The following SEMA5A variants were observed in gnomAD, a reference collection of about 807,000 sequenced individuals.
SEMA5A encodes semaphorin 5A, also known as semaphorin-5A.
A neutral mutation model predicts 135.5 loss-of-function variants in SEMA5A; 55 were observed. That is an observed-to-expected ratio of 0.41 (90% CI 0.33 to 0.51). The LOEUF (loss-of-function observed/expected upper bound fraction) is 0.51, where lower values mean the gene tolerates loss of function less well. Ranked by LOEUF, SEMA5A falls within the 20% of genes least tolerant of loss-of-function variation. SEMA5A has a pLI of 0.37. For synonymous variants in SEMA5A, 580 were observed against 546.5 expected (o/e 1.06, Z -0.85); for missense variants, 1,290 against 1,419.9 (o/e 0.91, Z 1.47).
rs934020561 is a variant in SEMA5A, at chr5:9,242,772, A to AT, written c.271-4883dup. Among the ~76,000 whole-genome samples, 507 of 151,780 alleles carry AT rather than the reference A, an allele frequency of 3.3e-3. 3 individuals carry two copies. Among genetic ancestry groups the AT allele is most frequent in the African/African-American group, 0.012 (478 of 41,392 alleles). On this transcript the variant is annotated intron_variant, in intron 5 of 22. Coordinates refer to ENST00000382496, the MANE Select transcript of SEMA5A (RefSeq NM_003966.3). ...ACCCCAATAACATATGGGAAAATAA[A>AT]TTTTTTTTTAAATGATCAATTTCAA...
intron 3 of SEMA5A, among the ~76,000 whole-genome samples, chr5:9,360,242 CA>C (rs1754633162): frequency 6.6e-6 from 1 of 152,094 alleles, no homozygotes; most frequent in South Asian, 2.1e-4. Flanking sequence ...ATAATGTGTA[CA>C]GTGTTCTCCA....
At chr5:9,371,018 A>T (rs1755114094) in intron 3 of SEMA5A, among the ~76,000 whole-genome samples, 1 of 152,222 alleles carries the variant, frequency 6.6e-6, no homozygotes, top group Admixed American at 6.5e-5. Flanking sequence ...CCAAATGGAA[A>T]CACTATTTTA....
intron 3 of SEMA5A, among the ~76,000 whole-genome samples, chr5:9,358,322 G>A (rs2126354626): frequency 6.6e-6 from 1 of 152,166 alleles, no homozygotes; most frequent in East Asian, 1.9e-4. Flanking sequence ...TCTAACTGTA[G>A]TGAGTGCTTT....
intron 3 of SEMA5A, among the ~76,000 whole-genome samples, chr5:9,339,110 T>A (rs1467462132): frequency 3.3e-5 from 5 of 152,164 alleles, no homozygotes; most frequent in Non-Finnish European, 7.4e-5. Flanking sequence ...TTAAAATACG[T>A]AGAACAAGGT....
At chr5:9,444,900 GCA>G (rs1228546392) in intron 1 of SEMA5A, among the ~76,000 whole-genome samples, 4 of 152,162 alleles carry the variant, frequency 2.6e-5, no homozygotes, top group African/African-American at 9.7e-5. Context: ...GCCAAGCTGT[GCA>G]CAGACAAACA....
chr5:9,151,004 G>A (rs1742606338), intron 12 of SEMA5A, among the ~76,000 whole-genome samples: 1 of 152,150 alleles, frequency 6.6e-6, no homozygotes, highest in South Asian at 2.1e-4. Flanking sequence ...GGCAGTCTCG[G>A]CTCTGACCCA....
At chr5:9,326,900 A>G (rs1341037512) in intron 4 of SEMA5A, among the ~76,000 whole-genome samples, 2 of 152,214 alleles carry the variant, frequency 1.3e-5, no homozygotes, top group African/African-American at 4.8e-5. Context: ...TTTAAATATA[A>G]TGATTTAATT....
At chr5:9,128,133 T>C (rs935934843) in intron 13 of SEMA5A, among the ~76,000 whole-genome samples, 2 of 152,222 alleles carry the variant, frequency 1.3e-5, no homozygotes, top group Non-Finnish European at 2.9e-5. Context: ...ATGGGAATTA[T>C]TCCTCACCAT....
chr5:9,153,393 C>T (rs1174812459), intron 12 of SEMA5A, among the ~76,000 whole-genome samples: 1 of 152,136 alleles, frequency 6.6e-6, no homozygotes, highest in African/African-American at 2.4e-5. Flanking sequence ...TTTTTCATTT[C>T]CTAAGTACCT....
intron 4 of SEMA5A, among the ~76,000 whole-genome samples, chr5:9,329,254 C>T (rs1753010287): frequency 6.6e-6 from 1 of 152,122 alleles, no homozygotes; most frequent in Non-Finnish European, 1.5e-5. Context: ...CCAAGATCAT[C>T]ATACTTTTTG....
intron 11 of SEMA5A, among the ~76,000 whole-genome samples, chr5:9,178,136 G>A (rs531860508): frequency 2.0e-5 from 3 of 152,060 alleles, no homozygotes; most frequent in African/African-American, 4.8e-5. Context: ...AAAAACTACC[G>A]AGAATCTCAT....
intron 2 of SEMA5A, among the ~76,000 whole-genome samples, chr5:9,434,516 G>C (rs945193261): frequency 3.9e-5 from 6 of 152,068 alleles, no homozygotes; most frequent in African/African-American, 1.4e-4. Context: ...GTACTCCAGA[G>C]ATAATCTCTG....
chr5:9,367,926 A>T (rs533474428), intron 3 of SEMA5A, among the ~76,000 whole-genome samples: 1 of 152,336 alleles, frequency 6.6e-6, no homozygotes, highest in East Asian at 1.9e-4. Context: ...TGATATGCCC[A>T]TACCCCCTTC....
chr5:9,508,218 T>C (rs1736010249), intron 1 of SEMA5A, among the ~76,000 whole-genome samples: 1 of 152,088 alleles, frequency 6.6e-6, no homozygotes, highest in Non-Finnish European at 1.5e-5. Context: ...TTTTGGTCAC[T>C]AGAGCACCTG....
chr5:9,099,393 A>G (rs1739500808), intron 16 of SEMA5A, among the ~76,000 whole-genome samples: 1 of 152,252 alleles, frequency 6.6e-6, no homozygotes, highest in Non-Finnish European at 1.5e-5. Flanking sequence ...CAAACTTTGC[A>G]TTCCAGTGTT....
chr5:9,296,709 CCGG>C (rs754933000), intron 5 of SEMA5A, among the ~76,000 whole-genome samples: 1 of 151,920 alleles, frequency 6.6e-6, no homozygotes, highest in Middle Eastern at 3.4e-3. Context: ...AGAAAGCAGG[CCGG>C]TCAAAAAGTA....
chr5:9,372,135 T>A (rs1221312804), intron 3 of SEMA5A, among the ~76,000 whole-genome samples: 1 of 152,238 alleles, frequency 6.6e-6, no homozygotes. Context: ...AAGATTTATA[T>A]ATTCAGACTC....
intron 11 of SEMA5A, among the ~76,000 whole-genome samples, chr5:9,177,727 C>T (rs561894050): frequency 2.0e-4 from 30 of 152,170 alleles, no homozygotes; most frequent in Non-Finnish European, 3.8e-4. Context: ...AAAAGACATC[C>T]TGCATCTCAC....
At chr5:9,380,061 G>A in intron 2 of SEMA5A, 38 bp from the exon 3 acceptor site, 4 of 1,384,938 alleles carry the variant, frequency 2.9e-6, no homozygotes, top group Non-Finnish European at 2.9e-6. Context: ...ATGACTGTGA[G>A]TTCGTTTTCT....
Sources: gnomAD v4.1 joint callset for allele counts (sites outside exome capture counted in the v4.1 genomes callset) on GRCh38, gnomAD v4.1.1 for gene constraint, MANE v1.5 for transcripts, NCBI Gene and HGNC (gene_info 2026-07-23, HGNC 2026-07-21) for gene names.